The following PDE1C variants were observed in gnomAD, a reference collection of about 807,000 sequenced individuals.
PDE1C encodes dual specificity calcium/calmodulin-dependent 3',5'-cyclic nucleotide phosphodiesterase 1C.
PDE1C carries 62 observed loss-of-function variants against 93.1 expected under a neutral mutation model. The observed-to-expected ratio is 0.67, with a 90% CI of 0.54 to 0.82. The LOEUF is 0.82. Among genes scored for constraint, PDE1C ranks in the 40% least tolerant of loss-of-function variants. PDE1C has a pLI of 0.00. For synonymous variants in PDE1C, 325 were observed against 310.1 expected, an observed-to-expected ratio of 1.05 and a Z score of -0.50; for missense variants, 742 against 884.6, an observed-to-expected ratio of 0.84 and a Z score of 2.04.
At chr7:32,282,284 C>G (rs1008922282) in intron 1 of PDE1C, among the ~76,000 whole-genome samples, 2 of 151,850 alleles carry the variant, frequency 1.3e-5, no homozygotes, top group African/African-American at 4.8e-5. Context: ...CGAGACCAGC[C>G]TGACTAACAT....
chr7:31,656,046 G>A, the PDE1C span: 1 of 979,792 alleles, frequency 1.0e-6, no homozygotes, highest in African/African-American at 1.8e-5. Flanking sequence ...GTAAGTCCTA[G>A]GGCAGACCCC....
chr7:32,378,334 G>A (rs73306194), intron 1 of PDE1C, among the ~76,000 whole-genome samples: 106 of 152,186 alleles, frequency 7.0e-4, no homozygotes, highest in African/African-American at 2.4e-3. Flanking sequence ...AATGGGAGTG[G>A]GAGATATCTA....
At chr7:32,003,051 G>C (rs1247005740) in intron 2 of PDE1C, among the ~76,000 whole-genome samples, 20 of 152,188 alleles carry the variant, frequency 1.3e-4, no homozygotes, top group Admixed American at 1.1e-3. Flanking sequence ...AGCTTCTCTT[G>C]ATGGTCATTC....
chr7:31,996,101 ACACACT>A (rs1291247339), intron 2 of PDE1C, among the ~76,000 whole-genome samples: 1 of 147,376 alleles, frequency 6.8e-6, no homozygotes, highest in Non-Finnish European at 1.5e-5. Context: ...ACACACACAC[ACACACT>A]TCCATGCATT....
chr7:32,183,188 A>G (rs1304444535), intron 2 of PDE1C, among the ~76,000 whole-genome samples: 4 of 152,270 alleles, frequency 2.6e-5, no homozygotes, highest in African/African-American at 4.8e-5. Flanking sequence ...ATGCTCATGG[A>G]TAGGAAGAAT....
intron 2 of PDE1C, among the ~76,000 whole-genome samples, chr7:31,896,671 A>G (rs754948589): frequency 2.6e-5 from 4 of 152,258 alleles, no homozygotes; most frequent in Admixed American, 2.0e-4. Flanking sequence ...CCCAAAGCCA[A>G]CATTGCATTC....
chr7:31,863,216 T>C (rs1482605120), intron 7 of PDE1C, among the ~76,000 whole-genome samples: 1 of 152,206 alleles, frequency 6.6e-6, no homozygotes. Flanking sequence ...GTGATTTATA[T>C]ACTTTTTAAA....
chr7:31,867,335 T>C (rs1795424719), intron 6 of PDE1C, among the ~76,000 whole-genome samples: 1 of 151,870 alleles, frequency 6.6e-6, no homozygotes, highest in African/African-American at 2.4e-5. Context: ...AAAGCAACAA[T>C]ACCCTCCACA....
intron 2 of PDE1C, among the ~76,000 whole-genome samples, chr7:32,178,124 C>T (rs947854251): frequency 4.6e-5 from 7 of 152,138 alleles, no homozygotes; most frequent in African/African-American, 1.7e-4. Context: ...AAAATAGGAC[C>T]AAGAGGAGGT....
chr7:31,621,905 G>A, the PDE1C span, among the ~76,000 whole-genome samples: 1 of 151,568 alleles, frequency 6.6e-6, no homozygotes, highest in Non-Finnish European at 1.5e-5. Flanking sequence ...AAAGGATGGA[G>A]GAAGATCTAC....
chr7:31,786,939 ATCTATCTATCTATCT>A (rs1784047442), intron 16 of PDE1C: 1 of 61,066 alleles, frequency 1.6e-5, no homozygotes, highest in Admixed American at 1.5e-4. Flanking sequence ...CTATCTATCT[ATCTATCTATCTATCT>A]ATCATCTATC....
intron 2 of PDE1C, among the ~76,000 whole-genome samples, chr7:31,959,617 G>A (rs1312864423): frequency 6.6e-6 from 1 of 152,138 alleles, no homozygotes; most frequent in Non-Finnish European, 1.5e-5. Context: ...GATAGAGTTT[G>A]ATTAATATTC....
At chr7:32,168,453 C>T (rs1802439614) in intron 3 of PDE1C, among the ~76,000 whole-genome samples, 3 of 151,942 alleles carry the variant, frequency 2.0e-5, no homozygotes, top group Non-Finnish European at 4.4e-5. Flanking sequence ...AAATGATGAC[C>T]CTGGTTTAGG....
At chr7:31,698,839 G>A in the PDE1C span, among the ~76,000 whole-genome samples, 20 of 152,218 alleles carry the variant, frequency 1.3e-4, no homozygotes, top group Non-Finnish European at 2.6e-4. Flanking sequence ...AGATATTTAA[G>A]CAGAGACCTC....
At chr7:32,396,930 TG>T (rs1319047917) in intron 1 of PDE1C, among the ~76,000 whole-genome samples, 1 of 152,180 alleles carries the variant, frequency 6.6e-6, no homozygotes, top group Non-Finnish European at 1.5e-5. Context: ...CATAACCATT[TG>T]GAAAAAGATT....
intron 1 of PDE1C, among the ~76,000 whole-genome samples, chr7:32,247,629 A>C (rs775169497): frequency 3.3e-5 from 5 of 152,202 alleles, no homozygotes; most frequent in Non-Finnish European, 7.3e-5. Flanking sequence ...ACTGTATTTC[A>C]AGTACCCATA....
intron 1 of PDE1C, among the ~76,000 whole-genome samples, chr7:32,270,502 C>A (rs1810888065): frequency 6.6e-6 from 1 of 152,128 alleles, no homozygotes; most frequent in Non-Finnish European, 1.5e-5. Context: ...CATCAAGGCA[C>A]CCCAAAGACC....
chr7:31,886,830 A>G (rs1797967764), intron 2 of PDE1C, among the ~76,000 whole-genome samples: 1 of 152,148 alleles, frequency 6.6e-6, no homozygotes, highest in Admixed American at 6.5e-5. Context: ...GGATCTTTTC[A>G]GAATAGATCT....
At chr7:32,276,150 C>A (rs1290068958) in intron 1 of PDE1C, among the ~76,000 whole-genome samples, 1 of 152,072 alleles carries the variant, frequency 6.6e-6, no homozygotes, top group African/African-American at 2.4e-5. Flanking sequence ...TACCATATAC[C>A]AAGCACTGCT....
Sources: allele counts gnomAD v4.1 joint callset (sites outside exome capture counted in the v4.1 genomes callset), GRCh38; gene constraint gnomAD v4.1.1; transcripts MANE v1.5; gene names NCBI Gene and HGNC (gene_info 2026-07-23, HGNC 2026-07-21).